Variants in RARB observed in about 807,000 individuals in gnomAD.
The protein encoded by RARB is HBV-activated protein.
Under a neutral mutation model 51.9 loss-of-function variants are expected in RARB, and 17 were observed. The ratio of observed to expected loss-of-function variants is 0.33; its 90% CI spans 0.22 to 0.49. RARB has a LOEUF of 0.49. Among genes scored for constraint, RARB ranks in the 20% least tolerant of loss-of-function variants. The probability of loss-of-function intolerance (pLI) is 0.99; values close to 1 mark genes in which losing one functional copy is unlikely to be tolerated. For synonymous variants in RARB, 215 were observed against 195.4 expected (o/e 1.10, Z -0.84); for missense variants, 369 against 550.8 (o/e 0.67, Z 3.30).
At chr3:25,497,407 A>AGTC (rs1444243719) in intron 2 of RARB, among the ~76,000 whole-genome samples, 7 of 152,150 alleles carry the variant, frequency 4.6e-5, no homozygotes, top group African/African-American at 1.7e-4. Context: ...CTCTTTCCTT[A>AGTC]GTCTGCAAAT....
At chr3:25,588,090 A>T (rs558727705) in intron 5 of RARB, among the ~76,000 whole-genome samples, 1 of 152,358 alleles carries the variant, frequency 6.6e-6, no homozygotes, top group African/African-American at 2.4e-5. Context: ...TAGAAGGGAG[A>T]TAGGCCAGGA....
At chr3:25,491,221 A>G (rs1696718211) in intron 2 of RARB, among the ~76,000 whole-genome samples, 1 of 152,134 alleles carries the variant, frequency 6.6e-6, no homozygotes, top group Non-Finnish European at 1.5e-5. Flanking sequence ...AGGAAATTTT[A>G]TCTAGTTTCA....
At chr3:25,538,111 C>T (rs758916829) in intron 3 of RARB, among the ~76,000 whole-genome samples, 13 of 152,096 alleles carry the variant, frequency 8.5e-5, no homozygotes, top group Middle Eastern at 3.4e-3. Context: ...TTCCCAGTAA[C>T]AAGTGTCTTT....
At chr3:25,501,073 T>C in intron 2 of RARB, 109 bp from the exon 3 acceptor site, 1 of 1,296,218 alleles carries the variant, frequency 7.7e-7, no homozygotes, top group East Asian at 2.6e-5. Context: ...TCTGCTGCCA[T>C]CACTTCGTTA....
At chr3:24,907,213 T>C (rs969447349) in intron 2 of RARB, among the ~76,000 whole-genome samples, 2 of 152,192 alleles carry the variant, frequency 1.3e-5, no homozygotes, top group African/African-American at 4.8e-5. Context: ...GTGGTAGTTA[T>C]CAAACTTTAG....
chr3:25,093,031 G>T (rs768789325), intron 3 of RARB, among the ~76,000 whole-genome samples: 4 of 152,154 alleles, frequency 2.6e-5, no homozygotes, highest in Non-Finnish European at 2.9e-5. Flanking sequence ...GAGCACAGGT[G>T]TTGCTTACAA....
At chr3:25,286,828 C>G (rs1162571865) in intron 5 of RARB, among the ~76,000 whole-genome samples, 2 of 152,150 alleles carry the variant, frequency 1.3e-5, no homozygotes, top group African/African-American at 4.8e-5. Context: ...GATCCATTAT[C>G]AAGGAGAAAA....
At chr3:24,914,195 G>A (rs1402030037) in intron 2 of RARB, among the ~76,000 whole-genome samples, 7 of 152,166 alleles carry the variant, frequency 4.6e-5, no homozygotes, top group Admixed American at 3.9e-4. Context: ...GACACAAAAT[G>A]TTTAAATTTG....
At chr3:25,442,857 T>C (rs562561229) in intron 1 of RARB, among the ~76,000 whole-genome samples, 1 of 152,282 alleles carries the variant, frequency 6.6e-6, no homozygotes, top group African/African-American at 2.4e-5. Context: ...CATGGAGACA[T>C]ACGATGTCTA....
At chr3:25,454,738 C>A (rs1233991441) in intron 1 of RARB, among the ~76,000 whole-genome samples, 1 of 151,760 alleles carries the variant, frequency 6.6e-6, no homozygotes, top group African/African-American at 2.4e-5. Flanking sequence ...GCTACTTAAT[C>A]TAACCTTTAG....
rs554504568 is a variant in RARB, at chr3:25,012,720, T to C, written c.-379-47405T>C. On this transcript the variant is annotated intron_variant, in intron 2 of 11. Coordinates refer to the RARB transcript ENST00000383772. ...TGGAAAAATGAGACACCTTATCTTA[T>C]TTCAGTGGGAAAAGTAATCTATGCA... Among the ~76,000 whole-genome samples the C allele has an allele frequency of 8.5e-5, 13 of 152,266 alleles. No homozygotes were observed. In the Middle Eastern group the frequency reaches 0.017, roughly 199 times the overall value.
At chr3:25,449,318 C>T (rs1198584457) in intron 1 of RARB, among the ~76,000 whole-genome samples, 7 of 152,114 alleles carry the variant, frequency 4.6e-5, no homozygotes, top group African/African-American at 1.7e-4. Context: ...TTTGTGTGTG[C>T]CTTCTAATTC....
At chr3:25,210,065 G>C (rs982267773) in intron 5 of RARB, among the ~76,000 whole-genome samples, 2 of 152,086 alleles carry the variant, frequency 1.3e-5, no homozygotes, top group African/African-American at 4.8e-5. Flanking sequence ...CTCCTGAGCT[G>C]GTTCTATTTT....
intron 2 of RARB, among the ~76,000 whole-genome samples, chr3:25,018,402 T>A (rs1314680893): frequency 6.6e-6 from 1 of 152,194 alleles, no homozygotes; most frequent in Non-Finnish European, 1.5e-5. Flanking sequence ...TAGGCTGGAA[T>A]CAAATATGGC....
chr3:25,163,504 A>AAAAAAAAAAAATATATATATATAT (rs1303712411), intron 4 of RARB, among the ~76,000 whole-genome samples: 3 of 131,092 alleles, frequency 2.3e-5, no homozygotes, highest in African/African-American at 9.6e-5. Flanking sequence ...CCTATCTCAA[A>AAAAAAAAAAAATATATATATATAT]ATATATATAT....
At chr3:25,372,921 A>G (rs1706347092) in intron 5 of RARB, among the ~76,000 whole-genome samples, 1 of 152,192 alleles carries the variant, frequency 6.6e-6, no homozygotes, top group African/African-American at 2.4e-5. Context: ...AAGTCACAGG[A>G]TTTACTGATG....
At chr3:25,216,955 T>C (rs1701848550) in intron 5 of RARB, among the ~76,000 whole-genome samples, 1 of 152,104 alleles carries the variant, frequency 6.6e-6, no homozygotes, top group South Asian at 2.1e-4. Flanking sequence ...TTTTACAAAT[T>C]GGTAGTTGGA....
At chr3:25,264,022 G>A (rs756641219) in intron 5 of RARB, among the ~76,000 whole-genome samples, 11 of 151,986 alleles carry the variant, frequency 7.2e-5, no homozygotes, top group Non-Finnish European at 1.3e-4. Flanking sequence ...GAATTCATAC[G>A]TTTTCAGACG....
chr3:25,290,084 T>C (rs1703749000), intron 5 of RARB, among the ~76,000 whole-genome samples: 1 of 152,186 alleles, frequency 6.6e-6, no homozygotes, highest in African/African-American at 2.4e-5. Context: ...CCCTTTTCTT[T>C]AGGCTAATGA....
Sources: allele counts gnomAD v4.1 joint callset (sites outside exome capture counted in the v4.1 genomes callset), GRCh38; gene constraint gnomAD v4.1.1; transcripts MANE v1.5; gene names NCBI Gene and HGNC (gene_info 2026-07-23, HGNC 2026-07-21).